BRAT1: variants seen among roughly 807,000 people sequenced by gnomAD.
BRAT1 encodes the protein BRCA1 associated ATM activator 1, also known as integrator complex assembly factor BRAT1.
BRAT1 carries 74 observed loss-of-function variants against 70.6 expected under a neutral mutation model. The ratio of observed to expected loss-of-function variants is 1.05; its 90% CI spans 0.87 to 1.27. The LOEUF (loss-of-function observed/expected upper bound fraction) is 1.27, where lower values mean the gene tolerates loss of function less well. Among genes scored for constraint, BRAT1 ranks in the 50% most tolerant of loss-of-function variants. The pLI is 0.00. For synonymous variants in BRAT1, 615 were observed against 517.1 expected, an observed-to-expected ratio of 1.19 and a Z score of -2.57; for missense variants, 1,203 against 1,098.2, an observed-to-expected ratio of 1.10 and a Z score of -1.35.
At position 2,544,989 on chromosome 7, in the gene BRAT1, G is replaced by C. The variant is rs2128399658; in HGVS notation, c.350C>G (p.Pro117Arg). 1 of 1,567,074 alleles carries C rather than the reference G, an allele frequency of 6.4e-7. No individual in the cohort carries two copies. The highest frequency in any genetic ancestry group is 8.7e-7 in the Non-Finnish European group (1 of 1,155,640). The stretch of plus-strand genomic sequence containing the variant: ...CTGGATCCAGCCGCTGCGCACGGTG[G>C]GGACGGCCCAGGTTGCTCGGCCGAG... ...GPLGRATWAV[P>R]TVRSGWIQGL... Residue 117 changes from proline to arginine, a missense_variant, in exon 4 of 14, where the codon CCC (proline) becomes CGC (arginine). Coordinates refer to ENST00000340611, the MANE Select transcript of BRAT1 (RefSeq NM_152743.4).
In BRAT1 at chr7:2,543,626, G is replaced by T; in HGVS notation, c.767C>A (p.Ala256Glu). The change falls in exon 5 of 14, where the codon GCA (alanine) becomes GAA (glutamate). Residue 256 changes from alanine to glutamate, a missense_variant. Ala to Glu is a moderately radical substitution (Grantham distance 107). Coordinates refer to ENST00000340611, the MANE Select transcript of BRAT1 (RefSeq NM_152743.4). The surrounding 1 kb of genome is among the most constrained non-coding windows in gnomAD (Gnocchi z 5.5). ...CLLERDPIPA[A>E]HSFVDLLLCV... ...GAGAAGCAGGTCCACGAACGAGTGTGCGGCGGGGATGGGGTCTCTCTCCAG... is the reference window on the plus strand; with the variant it reads ...GAGAAGCAGGTCCACGAACGAGTGTTCGGCGGGGATGGGGTCTCTCTCCAG... 1 of 1,535,342 alleles carries T rather than the reference G, an allele frequency of 6.5e-7. No individual in the cohort carries two copies. Among genetic ancestry groups the T allele is most frequent in the Non-Finnish European group, 8.8e-7 (1 of 1,136,530 alleles).
rs1352226730 is a variant in BRAT1, at chr7:2,538,345, A to G, written c.2190T>C (p.Ile730=). The G allele has an allele frequency of 1.2e-6, 2 of 1,613,294 alleles. No individual in the cohort carries two copies. Among genetic ancestry groups the G allele is most frequent in the Non-Finnish European group, 1.7e-6 (2 of 1,179,934 alleles). ...CDLLLFLRDK[I]ASYSSLREAR... is the part of the protein sequence containing the mutation. ...CCTCCCGCAGGCTGCTGTAGGAAGC[A>G]ATCTTGTCCCTCAGGAAGAGAAGGA... The change falls in exon 14 of 14, where the codon ATT becomes ATC. Residue 730 remains isoleucine, a synonymous_variant. Transcript: ENST00000340611.
At chr7:2,553,432 C>G (rs1472695677) in intron 2 of BRAT1, among the ~76,000 whole-genome samples, 1 of 152,054 alleles carries the variant, frequency 6.6e-6, no homozygotes, top group Non-Finnish European at 1.5e-5. Context: ...AACATGTAGT[C>G]AATAACATTA....
At position 2,538,595 on chromosome 7, in the gene BRAT1, T is replaced by C. The variant is rs764245593; in HGVS notation, c.1940A>G (p.Asp647Gly). 6.3e-7 allele frequency: 1 copy of C among 1,599,366 alleles called. No homozygotes were observed. Among genetic ancestry groups the C allele is most frequent in the Admixed American group, 1.7e-5 (1 of 59,914 alleles). ...CAGGCCCTGGGCGCGGACCTCCCAG[T>C]CCAGGTCTCGGCTCGCCGCCTGCAG... ...TVLQAASRDL[D>G]WEVRAQGLEL... Residue 647 changes from aspartate to glycine, a missense_variant, in exon 14 of 14, where the codon GAC (aspartate) becomes GGC (glycine). Physicochemically the swap from Asp to Gly is moderately conservative, Grantham distance 94 (BLOSUM62 -1). Transcript: ENST00000340611.
At chr7:2,547,283 A>T (rs762902437) in intron 3 of BRAT1, 41 bp downstream of exon 3, 3 of 1,605,462 alleles carry the variant, frequency 1.9e-6, no homozygotes, top group South Asian at 2.2e-5. Flanking sequence ...AAGCCTGCCC[A>T]CCTCTCCACG....
chr7:2,554,260 G>A (rs757600602), intron 2 of BRAT1, 45 bp downstream of exon 2: 98 of 1,604,628 alleles, frequency 6.1e-5, no homozygotes, highest in Non-Finnish European at 7.8e-5. Context: ...CAGCCTCTGC[G>A]TCTGGTCTCT....
At chr7:2,545,796 G>C (rs1004463777) in intron 3 of BRAT1, among the ~76,000 whole-genome samples, 14 of 152,076 alleles carry the variant, frequency 9.2e-5, no homozygotes, top group South Asian at 8.3e-4. Flanking sequence ...AGCCTGGAGG[G>C]TACTTTCATA....
rs1387284642 is a variant in BRAT1, at chr7:2,541,436, C to T, written c.1183G>A (p.Val395Met). 6.3e-7 allele frequency: 1 copy of T among 1,578,744 alleles called. No individual in the cohort carries two copies. The highest frequency in any genetic ancestry group is 1.3e-5 in the African/African-American group (1 of 74,396). Residue 395 changes from valine (V) to methionine (M), a missense_variant, in exon 9 of 14, where the codon GTG becomes ATG. By Grantham distance (21) the Val-to-Met change is conservative. Transcript: ENST00000340611. The part of the protein sequence containing the change: ...WPQASLLGAT[V>M]TVLRLCDGSA... ...CCGTCACAGAGCCGCAGGACAGTCA[C>T]TGTAGCCCCCAGTAGAGACGCCTGG...
At chr7:2,540,006 G>T in intron 10 of BRAT1, 118 bp from the exon 11 acceptor site, 1 of 705,702 alleles carries the variant, frequency 1.4e-6, no homozygotes, top group Non-Finnish European at 2.2e-6. Flanking sequence ...GGGACAGGAA[G>T]TGGAGAGAGA....
intron 10 of BRAT1, 127 bp from the exon 11 acceptor site, chr7:2,540,015 G>A: frequency 1.5e-6 from 1 of 654,574 alleles, no homozygotes; most frequent in East Asian, 3.1e-5. Flanking sequence ...AGTGGAGAGA[G>A]AAGGGAACGC....
Position 2,543,876 on chromosome 7 carries a change from C to T in BRAT1, c.517G>A (p.Ala173Thr), listed in dbSNP as rs1305749710. The T allele has an allele frequency of 1.2e-6, 2 of 1,612,508 alleles. No homozygotes were observed. Among genetic ancestry groups the T allele is most frequent in the Admixed American group, 1.7e-5 (1 of 59,992 alleles). ...TCGGCTCCACCTCGCATGGACAAAG[C>T]CAGGACGTGCACCAGGAGCTGACTG... ...AASQLLVHVL[A>T]LSMRGGAEGQ... The change falls in exon 5 of 14, where the codon GCT (alanine) becomes ACT (threonine). Residue 173 changes from alanine to threonine, a missense_variant. Transcript: ENST00000340611. The surrounding 1 kb of genome is among the most constrained non-coding windows in gnomAD (Gnocchi z 5.5).
chr7:2,543,270 GC>G lies in BRAT1; in HGVS notation c.856del (p.Ala286LeufsTer2), dbSNP rs1302086190. The G allele has an allele frequency of 1.2e-6, 2 of 1,611,676 alleles. No homozygotes were observed. The highest frequency in any genetic ancestry group is 1.7e-6 in the Non-Finnish European group (2 of 1,179,078). ...DGSLWETVAR[A>X]LSCLGPTHMG... is the part of the protein sequence containing the mutation. ...GTGGGTGGGACCCAGGCAGCTCAGA[GC>G]CCGCGCCACTGTCTCCCACAGGCTG... On this transcript the variant is annotated frameshift_variant, in exon 6 of 14. Transcript: ENST00000340611. LOFTEE classifies it high-confidence loss of function. This position sits in a 1 kb window ranked among gnomAD's most constrained non-coding sequence, Gnocchi z 5.5.
Position 2,542,456 on chromosome 7 carries a change from G to A in BRAT1, c.924-245C>T, listed in dbSNP as rs1440040897. On this transcript the variant is annotated intron_variant, in intron 6 of 13. Transcript: ENST00000340611. The stretch of plus-strand genomic sequence containing the variant: ...GGAGCAGATACTGAGGGGCCTCCAG[G>A]AGGGCCTGGCCATGCACCCAGAGAG... 1.6e-5 allele frequency: 9 copies of A among 557,158 alleles called. No homozygotes were observed. The East Asian group carries it at 2.9e-4, about 18-fold the overall frequency. 34.5% of individuals were successfully genotyped at this position (557,158 alleles called of 1,614,324 possible).
chr7:2,544,009 T>G, intron 4 of BRAT1, 47 bp from the exon 5 acceptor site: 3 of 1,437,134 alleles, frequency 2.1e-6, no homozygotes, highest in Non-Finnish European at 2.8e-6. Context: ...TGAGCCAGAA[T>G]AGAGCTGGGG....
chr7:2,554,502 T>C (rs1780266668), intron 1 of BRAT1, 55 bp from the exon 2 acceptor site: 2 of 1,540,686 alleles, frequency 1.3e-6, no homozygotes, highest in Non-Finnish European at 1.7e-6. Flanking sequence ...CCCAGCTCGC[T>C]CTAGTCACAG....
At chr7:2,541,962 G>A in intron 7 of BRAT1, 126 bp from the exon 8 acceptor site, 1 of 1,227,668 alleles carries the variant, frequency 8.1e-7, no homozygotes, top group Admixed American at 2.2e-5. Context: ...GCTCACCAGG[G>A]GAGATGGCCA....
intron 6 of BRAT1, chr7:2,542,931 GGCA>G (rs1562577088): frequency 4.0e-6 from 1 of 252,810 alleles, no homozygotes; most frequent in African/African-American, 2.2e-5. Context: ...GCAGGGCGTC[GGCA>G]GGACCACCCT....
At chr7:2,547,678 C>A (rs1279553879) in intron 2 of BRAT1, among the ~76,000 whole-genome samples, 200 bp from the exon 3 acceptor site, 1 of 152,212 alleles carries the variant, frequency 6.6e-6, no homozygotes, top group East Asian at 1.9e-4. Flanking sequence ...AAAGCCAACA[C>A]CTTAACAACA....
At chr7:2,540,758 C>T (rs942594242) in intron 10 of BRAT1, 41 of 446,516 alleles carry the variant, frequency 9.2e-5, no homozygotes, top group Non-Finnish European at 1.3e-4. Flanking sequence ...CTGCTCCCCA[C>T]GGCCCCACAC....
Sources: gnomAD v4.1 joint callset for allele counts (sites outside exome capture counted in the v4.1 genomes callset) on GRCh38, gnomAD v4.1.1 for gene constraint, Gnocchi (gnomAD v3.1) non-coding constraint, MANE v1.5 for transcripts, NCBI Gene and HGNC (gene_info 2026-07-23, HGNC 2026-07-21) for gene names.